SPAG9: variants seen among roughly 807,000 people sequenced by gnomAD.
The protein encoded by SPAG9 is C-Jun-amino-terminal kinase-interacting protein 4.
A neutral mutation model predicts 166.5 loss-of-function variants in SPAG9; 35 were observed. That is an observed-to-expected ratio of 0.21 (90% CI 0.16 to 0.28). The LOEUF (loss-of-function observed/expected upper bound fraction) is 0.28. Ranked by LOEUF, SPAG9 falls within the 10% of genes least tolerant of loss-of-function variation. The probability of loss-of-function intolerance (pLI) is 1.00; values close to 1 mark genes in which losing one functional copy is unlikely to be tolerated. For missense variants in SPAG9, 1,235 were observed against 1,603.3 expected (o/e 0.77, Z 3.92); for synonymous variants, 534 against 565.5 (o/e 0.94, Z 0.79).
intron 20 of SPAG9, 68 bp from the exon 21 acceptor site, chr17:50,989,940 C>T: frequency 7.5e-7 from 1 of 1,332,820 alleles, no homozygotes; most frequent in South Asian, 1.2e-5. Context: ...CCACACAAAC[C>T]CCTGTTATAG....
chr17:51,002,225 C>T (rs996752424), intron 12 of SPAG9, among the ~76,000 whole-genome samples: 1 of 151,992 alleles, frequency 6.6e-6, no homozygotes, highest in African/African-American at 2.4e-5. Context: ...TTATGTTGCC[C>T]AGGCTCATCT....
intron 28 of SPAG9, among the ~76,000 whole-genome samples, 157 bp downstream of exon 28, chr17:50,974,614 A>T (rs1312540854): frequency 6.6e-6 from 1 of 152,222 alleles, no homozygotes; most frequent in Non-Finnish European, 1.5e-5. Flanking sequence ...GTATCCCTAT[A>T]GCACCTTAGT....
intron 1 of SPAG9, among the ~76,000 whole-genome samples, chr17:51,095,994 TA>T (rs1310303316): frequency 1.6e-5 from 2 of 127,884 alleles, no homozygotes; most frequent in South Asian, 2.5e-4. Flanking sequence ...TATATAGTGA[TA>T]TATATATAGT....
intron 13 of SPAG9, among the ~76,000 whole-genome samples, 188 bp from the exon 14 acceptor site, chr17:50,999,905 A>G (rs1352674438): frequency 2.0e-5 from 3 of 152,184 alleles, no homozygotes; most frequent in African/African-American, 7.2e-5. Flanking sequence ...CTTTAATTCT[A>G]CTAAGAAAAA....
chr17:51,052,739 T>G (rs1302356796), intron 3 of SPAG9, among the ~76,000 whole-genome samples: 1 of 152,172 alleles, frequency 6.6e-6, no homozygotes, highest in Non-Finnish European at 1.5e-5. Flanking sequence ...ATATGAAATT[T>G]CACTTTACCG....
At chr17:50,994,484 C>G (rs927379876) in intron 18 of SPAG9, among the ~76,000 whole-genome samples, 2 of 152,174 alleles carry the variant, frequency 1.3e-5, no homozygotes, top group Non-Finnish European at 2.9e-5. Context: ...GGCACAGTGG[C>G]TCACGTCTGT....
intron 26 of SPAG9, among the ~76,000 whole-genome samples, chr17:50,978,911 G>A (rs945538380): frequency 2.0e-5 from 3 of 152,104 alleles, no homozygotes; most frequent in African/African-American, 7.2e-5. Context: ...AGACTGGGGT[G>A]GCAACAGGGA....
At chr17:51,119,338 T>C (rs2049401793) in intron 1 of SPAG9, among the ~76,000 whole-genome samples, 1 of 152,194 alleles carries the variant, frequency 6.6e-6, no homozygotes, top group Non-Finnish European at 1.5e-5. Context: ...GATCACCATG[T>C]ATTTAAGCAG....
At chr17:51,071,309 C>T (rs531591935) in intron 2 of SPAG9, among the ~76,000 whole-genome samples, 31 of 152,262 alleles carry the variant, frequency 2.0e-4, no homozygotes, top group South Asian at 1.0e-3. Flanking sequence ...CCTATTACTG[C>T]CACACTATGA....
At chr17:51,064,159 G>A (rs1366316111) in intron 2 of SPAG9, among the ~76,000 whole-genome samples, 1 of 152,046 alleles carries the variant, frequency 6.6e-6, no homozygotes, top group South Asian at 2.1e-4. Flanking sequence ...TAAACAGAAG[G>A]TTTATCATTC....
chr17:51,063,657 G>C (rs1051014068), intron 2 of SPAG9, among the ~76,000 whole-genome samples: 2 of 152,114 alleles, frequency 1.3e-5, no homozygotes, highest in African/African-American at 2.4e-5. Flanking sequence ...ACCAAGGTGG[G>C]TGGATCACCT....
intron 1 of SPAG9, among the ~76,000 whole-genome samples, chr17:51,092,429 C>A (rs2048492238): frequency 6.6e-6 from 1 of 152,060 alleles, no homozygotes; most frequent in East Asian, 1.9e-4. Flanking sequence ...TGATTGAAAA[C>A]AACCAACTAC....
At chr17:51,017,950 A>G (rs2045772266) in intron 8 of SPAG9, among the ~76,000 whole-genome samples, 1 of 152,138 alleles carries the variant, frequency 6.6e-6, no homozygotes, top group African/African-American at 2.4e-5. Flanking sequence ...GAGATCAATA[A>G]ATGGCTTGTA....
intron 15 of SPAG9, 58 bp from the exon 16 acceptor site, chr17:50,996,752 A>G: frequency 1.9e-6 from 3 of 1,557,420 alleles, no homozygotes; most frequent in Non-Finnish European, 2.6e-6. Context: ...GTTTATCCCC[A>G]GTTTTATCTC....
Position 50,984,965 on chromosome 17 carries a change from C to A in SPAG9, c.3046G>T (p.Ala1016Ser). Reference sequence around the variant, plus strand: ...ATTGCAAGGGTGCCGTCAGCCAGGGCTACTAACACGATTCCCTTCACGTGT... The same window carrying A: ...ATTGCAAGGGTGCCGTCAGCCAGGGATACTAACACGATTCCCTTCACGTGT... Reference protein sequence around the residue: ...IVHVKGIVLVALADGTLAIFH... With the variant: ...IVHVKGIVLVSLADGTLAIFH... Residue 1016 changes from alanine (A) to serine (S), a missense_variant, in exon 24 of 30, where the codon GCC (alanine) becomes TCC (serine). Physicochemically the swap from Ala to Ser is moderately conservative, Grantham distance 99. Around this residue, in one of 6 missense-constraint regions of SPAG9, gnomAD observed 493 missense variants for 559.4 expected, o/e 0.88. Transcript: ENST00000262013. The A allele has an allele frequency of 6.2e-7, 1 of 1,614,178 alleles. No individual in the cohort carries two copies. Among genetic ancestry groups the A allele is most frequent in the Non-Finnish European group, 8.5e-7 (1 of 1,180,018 alleles).
At chr17:51,062,743 A>G (rs748135206) in intron 2 of SPAG9, among the ~76,000 whole-genome samples, 1 of 152,130 alleles carries the variant, frequency 6.6e-6, no homozygotes, top group Non-Finnish European at 1.5e-5. Flanking sequence ...GGCACCCACC[A>G]CCATGCCTGG....
intron 1 of SPAG9, among the ~76,000 whole-genome samples, chr17:51,113,543 G>T (rs2049187578): frequency 6.6e-6 from 1 of 151,378 alleles, no homozygotes; most frequent in Admixed American, 6.6e-5. Flanking sequence ...AGCGAGGTGT[G>T]GTTGTGAGCA....
intron 2 of SPAG9, among the ~76,000 whole-genome samples, chr17:51,074,763 G>A (rs1348241499): frequency 6.6e-6 from 1 of 152,052 alleles, no homozygotes; most frequent in Non-Finnish European, 1.5e-5. Context: ...CTTTTGGAGA[G>A]AGGAATGAGA....
chr17:50,970,450 T>C (rs571883233), intron 29 of SPAG9, among the ~76,000 whole-genome samples: 15 of 150,544 alleles, frequency 1.0e-4, no homozygotes, highest in South Asian at 6.3e-4. Flanking sequence ...GAGGCAGAGA[T>C]TGCAGTGAGC....
Sources: allele counts gnomAD v4.1 joint callset (sites outside exome capture counted in the v4.1 genomes callset), GRCh38; gene constraint gnomAD v4.1.1; regional missense constraint gnomAD v4.1.1; transcripts MANE v1.5; gene names NCBI Gene and HGNC (gene_info 2026-07-23, HGNC 2026-07-21).